RASGEF1C: variants seen among roughly 807,000 people sequenced by gnomAD.
RASGEF1C encodes the protein RasGEF domain family member 1C, also known as ras-GEF domain-containing family member 1C.
RASGEF1C carries 27 observed loss-of-function variants against 58.1 expected under a neutral mutation model. That is an observed-to-expected ratio of 0.46 (90% confidence interval 0.34 to 0.64). The LOEUF (loss-of-function observed/expected upper bound fraction) is 0.64. RASGEF1C is among the 30% of genes least tolerant of loss of function. The pLI, the probability that RASGEF1C is intolerant of heterozygous loss-of-function variation, is 0.01. For synonymous variants in RASGEF1C, 243 were observed against 246.3 expected (o/e 0.99, Z 0.13); for missense variants, 502 against 605.1 (o/e 0.83, Z 1.79).
In RASGEF1C at chr5:180,143,628, C is replaced by G. The variant is rs1226361749; in HGVS notation, c.-6-5570G>C. Among the ~76,000 whole-genome samples the G allele has an allele frequency of 1.3e-5, 2 of 152,192 alleles. No individual in the cohort carries two copies. The highest frequency in any genetic ancestry group is 4.8e-5 in the African/African-American group (2 of 41,438). On this transcript the variant is annotated intron_variant, in intron 1 of 13. Transcript: ENST00000361132. The surrounding 1 kb of genome is among the most constrained non-coding windows in gnomAD (Gnocchi z 4.3). The stretch of plus-strand genomic sequence containing the variant: ...TGGTGTAAAAGTCATCCAGGACATC[C>G]AGGACTCCTGACTTACGTTTCATAT...
intron 1 of RASGEF1C, among the ~76,000 whole-genome samples, chr5:180,147,098 AT>A (rs1168362357): frequency 1.3e-5 from 2 of 151,944 alleles, no homozygotes; most frequent in African/African-American, 2.4e-5. Flanking sequence ...TTGGCATATA[AT>A]TTTTTATAGT....
intron 4 of RASGEF1C, among the ~76,000 whole-genome samples, chr5:180,132,460 G>T (rs1444871896): frequency 1.3e-5 from 2 of 152,206 alleles, no homozygotes; most frequent in African/African-American, 4.8e-5. Flanking sequence ...TGAAATTCTA[G>T]GAGACTCCCT....
Position 180,136,372 on chromosome 5 carries a change from G to A in RASGEF1C, c.438+6C>T. On this transcript the variant is annotated splice_donor_region_variant and intron_variant, in intron 4 of 13. Transcript: ENST00000361132. Reference sequence around the variant, plus strand: ...AGGGTGACGCGACCCCCGCCCAGCTGCCCACCTCGTCACAGGGGGCGATGC... The same window carrying A: ...AGGGTGACGCGACCCCCGCCCAGCTACCCACCTCGTCACAGGGGGCGATGC... 6.4e-7 allele frequency: 1 copy of A among 1,553,362 alleles called. No homozygotes were observed. Among genetic ancestry groups the A allele is most frequent in the Non-Finnish European group, 8.7e-7 (1 of 1,148,562 alleles).
intron 1 of RASGEF1C, among the ~76,000 whole-genome samples, chr5:180,140,100 C>A (rs1398629549): frequency 2.6e-5 from 4 of 152,140 alleles, no homozygotes; most frequent in African/African-American, 9.7e-5. Flanking sequence ...TGGCCTGGAC[C>A]CAGGTGCTGG....
chr5:180,176,708 C>T (rs1235660001), intron 1 of RASGEF1C, among the ~76,000 whole-genome samples: 5 of 152,112 alleles, frequency 3.3e-5, no homozygotes, highest in Non-Finnish European at 7.4e-5. Context: ...AGGCGTCTGC[C>T]ACCATGCCCG....
chr5:180,152,448 C>T (rs971184161), intron 1 of RASGEF1C, among the ~76,000 whole-genome samples: 3 of 151,180 alleles, frequency 2.0e-5, no homozygotes, highest in Admixed American at 6.6e-5. Flanking sequence ...TCATTCTCAG[C>T]AAACTATCGC....
intron 11 of RASGEF1C, among the ~76,000 whole-genome samples, chr5:180,113,114 C>T (rs1445004510): frequency 1.3e-4 from 15 of 118,430 alleles, no homozygotes; most frequent in African/African-American, 4.0e-4. Context: ...GACGGAGGGA[C>T]CGGGGATGGA....
At position 180,158,017 on chromosome 5, in the gene RASGEF1C, G is replaced by A. The variant is rs1364452867; in HGVS notation, c.-6-19959C>T. Among the ~76,000 whole-genome samples the A allele has an allele frequency of 6.6e-6, 1 of 152,206 alleles. No homozygotes were observed. Among genetic ancestry groups the A allele is most frequent in the Non-Finnish European group, 1.5e-5 (1 of 68,042 alleles). ...GCTGTAACAAACATACCATTCTGGT[G>A]GGTGACGTCGATAATGGGGGAGGCT... On this transcript the variant is annotated intron_variant, in intron 1 of 13. Coordinates refer to ENST00000361132, the MANE Select transcript of RASGEF1C (RefSeq NM_175062.4). The surrounding 1 kb of genome is among the most constrained non-coding windows in gnomAD (Gnocchi z 4.0).
In RASGEF1C at chr5:180,103,299, G is replaced by C. The variant is rs183991227; in HGVS notation, c.1304-1156C>G. ...TCACCGTGTTAGCCAGGATGGTCTC[G>C]ATCTCCTGACCTTGTGATCCGCCCG... On this transcript the variant is annotated intron_variant, in intron 12 of 13. Coordinates refer to ENST00000361132, the MANE Select transcript of RASGEF1C (RefSeq NM_175062.4). 8.7e-4 allele frequency among the ~76,000 whole-genome samples: 132 copies of C among 152,202 alleles called. 1 individual carries two copies. Among genetic ancestry groups the C allele is most frequent in the South Asian group, 2.9e-3 (14 of 4,822 alleles).
At chr5:180,127,504 C>A in intron 6 of RASGEF1C, 105 bp downstream of exon 6, 1 of 1,165,488 alleles carries the variant, frequency 8.6e-7, no homozygotes, top group Non-Finnish European at 1.2e-6. Context: ...CTGTCCCACT[C>A]TGGGCCACTC....
At position 180,158,048 on chromosome 5, in the gene RASGEF1C, T is replaced by C. The variant is rs1485261169; in HGVS notation, c.-6-19990A>G. On this transcript the variant is annotated intron_variant, in intron 1 of 13. Transcript: ENST00000361132. The surrounding 1 kb of genome is among the most constrained non-coding windows in gnomAD (Gnocchi z 4.0). ...CGTCGATAATGGGGGAGGCTCTGCA[T>C]GTGTGGAGGCAGGGGGATGTGGGAA... 6.6e-6 allele frequency among the ~76,000 whole-genome samples: 1 copy of C among 152,160 alleles called. No homozygotes were observed. Among genetic ancestry groups the C allele is most frequent in the Non-Finnish European group, 1.5e-5 (1 of 68,030 alleles).
chr5:180,135,396 C>G (rs1321881802), intron 4 of RASGEF1C: 1 of 152,228 alleles, frequency 6.6e-6, no homozygotes, highest in Non-Finnish European at 1.5e-5. Context: ...TCTGCCATGT[C>G]CAGACCTACT....
rs1457374312 is a variant in RASGEF1C, at chr5:180,118,853, C to T, written c.921G>A (p.Met307Ile). The T allele has an allele frequency of 6.2e-7, 1 of 1,614,198 alleles. No individual in the cohort carries two copies. The highest frequency in any genetic ancestry group is 1.1e-5 in the South Asian group (1 of 91,080). Reference sequence around the variant, plus strand: ...TCTTCTTCAGCCTGGAGACAGGGCTCATGTTCATGCCGGCTGGAAGAGGGA... The same window carrying T: ...TCTTCTTCAGCCTGGAGACAGGGCTTATGTTCATGCCGGCTGGAAGAGGGA... ...SLMAIISGMN[M>I]SPVSRLKKTW... The change falls in exon 9 of 14, where the codon ATG becomes ATA. Residue 307 changes from methionine (M) to isoleucine (I), a missense_variant. Coordinates refer to ENST00000361132, the MANE Select transcript of RASGEF1C (RefSeq NM_175062.4).
At chr5:180,171,372 G>A (rs1438739778) in intron 1 of RASGEF1C, among the ~76,000 whole-genome samples, 4 of 152,040 alleles carry the variant, frequency 2.6e-5, no homozygotes, top group African/African-American at 9.7e-5. Flanking sequence ...GGTGGAAAAA[G>A]GACATTAACA....
chr5:180,116,935 T>G (rs1197149860), intron 10 of RASGEF1C, among the ~76,000 whole-genome samples: 1 of 152,220 alleles, frequency 6.6e-6, no homozygotes, highest in Non-Finnish European at 1.5e-5. Flanking sequence ...GTGAGTGGAC[T>G]AGTGAGGTCT....
chr5:180,142,801 G>C (rs890090780), intron 1 of RASGEF1C, among the ~76,000 whole-genome samples: 2 of 152,126 alleles, frequency 1.3e-5, no homozygotes, highest in Admixed American at 6.5e-5. Context: ...CATCGTTTTA[G>C]AGTCATTCGT....
chr5:180,121,602 T>C (rs1025765104), intron 6 of RASGEF1C, among the ~76,000 whole-genome samples: 20 of 151,482 alleles, frequency 1.3e-4, no homozygotes, highest in Middle Eastern at 6.8e-3. Flanking sequence ...CGTGAGCCAC[T>C]GCGCCCGGCT....
intron 1 of RASGEF1C, among the ~76,000 whole-genome samples, chr5:180,193,000 C>T (rs140515896): frequency 6.6e-6 from 1 of 151,824 alleles, no homozygotes; most frequent in African/African-American, 2.4e-5. Flanking sequence ...CCCACCTTGG[C>T]CTCCCAAAGT....
intron 1 of RASGEF1C, among the ~76,000 whole-genome samples, chr5:180,160,284 A>G (rs1766919351): frequency 2.6e-5 from 4 of 152,174 alleles, no homozygotes; most frequent in Admixed American, 2.6e-4. Flanking sequence ...CCAGGGTCCG[A>G]GTCAAGGCAC....
Sources: allele counts gnomAD v4.1 joint callset (sites outside exome capture counted in the v4.1 genomes callset), GRCh38; gene constraint gnomAD v4.1.1; non-coding constraint Gnocchi (gnomAD v3.1); transcripts MANE v1.5; gene names NCBI Gene and HGNC (gene_info 2026-07-23, HGNC 2026-07-21).